LRP1B: variants seen among roughly 807,000 people sequenced by gnomAD.
LRP1B encodes low-density lipoprotein receptor-related protein 1B.
In LRP1B, 217 loss-of-function variants were observed where a neutral mutation model predicts 556.6. The observed-to-expected ratio is 0.39, with a 90% CI of 0.35 to 0.44. The LOEUF is 0.44. LRP1B is among the 20% of genes least tolerant of loss of function. LRP1B has a pLI of 1.00. For synonymous variants in LRP1B, 2,047 were observed against 1,865.8 expected (o/e 1.10, Z -2.50); for missense variants, 5,053 against 5,620.8 (o/e 0.90, Z 3.23).
rs538693237 is a variant in LRP1B, at chr2:141,144,707, A to T, written c.1013+43714T>A. On this transcript the variant is annotated intron_variant, in intron 7 of 90. Transcript: ENST00000389484. Reference sequence around the variant, plus strand: ...AAAAGTACCATCAGGCACAAAAATTATTAGAAGCACCGCAAGGCACCATCA... The same window carrying T: ...AAAAGTACCATCAGGCACAAAAATTTTTAGAAGCACCGCAAGGCACCATCA... Among the ~76,000 whole-genome samples, 4 of 152,294 alleles carry T rather than the reference A, an allele frequency of 2.6e-5. No homozygotes were observed. The South Asian group carries it at 8.3e-4, about 32-fold the overall frequency.
chr2:141,639,952 G>A (rs1038797707), intron 2 of LRP1B, among the ~76,000 whole-genome samples: 4 of 152,142 alleles, frequency 2.6e-5, no homozygotes, highest in East Asian at 1.9e-4. Flanking sequence ...AAAAGAAAAC[G>A]CAATGGTAGC....
At chr2:141,945,316 A>C (rs1700921210) in intron 1 of LRP1B, among the ~76,000 whole-genome samples, 1 of 152,140 alleles carries the variant, frequency 6.6e-6, no homozygotes, top group Admixed American at 6.6e-5. Context: ...GTCAAACTAA[A>C]TCCTGGGGCT....
chr2:141,220,340 A>G (rs1682985625), intron 6 of LRP1B, among the ~76,000 whole-genome samples: 1 of 152,200 alleles, frequency 6.6e-6, no homozygotes, highest in African/African-American at 2.4e-5. Flanking sequence ...CATGAAGACT[A>G]TATTGATGAA....
intron 1 of LRP1B, among the ~76,000 whole-genome samples, chr2:141,850,993 T>G (rs1308138363): frequency 6.6e-6 from 1 of 151,730 alleles, no homozygotes; most frequent in Admixed American, 6.6e-5. Context: ...CCATAAAATA[T>G]TAACCGCTCA....
In LRP1B at chr2:141,166,586, A is replaced by G. The variant is rs187484066; in HGVS notation, c.1013+21835T>C. Among the ~76,000 whole-genome samples the G allele has an allele frequency of 6.9e-4, 104 of 151,818 alleles. 1 individual carries two copies. The highest frequency in any genetic ancestry group is 2.3e-3 in the African/African-American group (96 of 41,490). On this transcript the variant is annotated intron_variant, in intron 7 of 90. Transcript: ENST00000389484. ...TAAAATATACAATAAGTCATTGTTG[A>G]CTGTAATCACCCTGGTGTGCTATCA...
chr2:141,272,790 C>T (rs1242302159), intron 3 of LRP1B, among the ~76,000 whole-genome samples: 1 of 151,856 alleles, frequency 6.6e-6, no homozygotes, highest in Admixed American at 6.6e-5. Context: ...CATAAAAGCA[C>T]CAAAAAAATA....
At chr2:140,953,485 A>G (rs1308812156) in intron 18 of LRP1B, among the ~76,000 whole-genome samples, 1 of 152,190 alleles carries the variant, frequency 6.6e-6, no homozygotes, top group South Asian at 2.1e-4. Context: ...GAATCATAGA[A>G]TATATTTGAG....
At chr2:140,563,388 A>T (rs1020235697) in intron 43 of LRP1B, among the ~76,000 whole-genome samples, 2 of 149,692 alleles carry the variant, frequency 1.3e-5, no homozygotes, top group African/African-American at 4.9e-5. Flanking sequence ...AAGCTATATA[A>T]ATGCTTTTTC....
At chr2:140,657,865 A>C (rs1684948707) in intron 41 of LRP1B, among the ~76,000 whole-genome samples, 1 of 151,918 alleles carries the variant, frequency 6.6e-6, no homozygotes, top group Admixed American at 6.6e-5. Context: ...TTTCGAAGTA[A>C]CCCGATGGTA....
chr2:141,548,996 T>C (rs147299153), intron 2 of LRP1B, among the ~76,000 whole-genome samples: 1 of 152,310 alleles, frequency 6.6e-6, no homozygotes, highest in Admixed American at 6.5e-5. Context: ...AGTTATCTAC[T>C]ACAGCAGTAG....
intron 3 of LRP1B, among the ~76,000 whole-genome samples, chr2:141,334,874 A>G (rs1687788605): frequency 6.6e-6 from 1 of 152,124 alleles, no homozygotes; most frequent in Admixed American, 6.5e-5. Flanking sequence ...TTTTTTTAAA[A>G]AGACAGAAAG....
At chr2:141,712,708 T>TG (rs1473169764) in intron 2 of LRP1B, among the ~76,000 whole-genome samples, 1 of 152,092 alleles carries the variant, frequency 6.6e-6, no homozygotes, top group Non-Finnish European at 1.5e-5. Context: ...TCACTCTTGT[T>TG]GCCCCGGCTA....
chr2:140,269,290 C>G (rs1401156659), intron 86 of LRP1B: 1 of 471,040 alleles, frequency 2.1e-6, no homozygotes, highest in African/African-American at 2.0e-5. Flanking sequence ...TCATTAAACG[C>G]AGTTAAAGTG....
intron 3 of LRP1B, among the ~76,000 whole-genome samples, chr2:141,473,064 T>G (rs1376309836): frequency 5.9e-5 from 9 of 152,250 alleles, no homozygotes; most frequent in African/African-American, 1.9e-4. Flanking sequence ...GCCCCTTCTG[T>G]CAACATATTC....
intron 85 of LRP1B, among the ~76,000 whole-genome samples, chr2:140,270,940 TAAAA>T (rs570682621): frequency 4.0e-5 from 6 of 151,844 alleles, no homozygotes; most frequent in Admixed American, 6.6e-5. Context: ...GAGTAGTTCA[TAAAA>T]AAACAGTTAT....
At chr2:141,623,681 C>T (rs1193892953) in intron 2 of LRP1B, among the ~76,000 whole-genome samples, 1 of 151,774 alleles carries the variant, frequency 6.6e-6, no homozygotes, top group Admixed American at 6.6e-5. Flanking sequence ...CCCTCTTCAC[C>T]GGGGCAACAT....
chr2:142,089,658 A>G (rs1238574190), intron 1 of LRP1B, among the ~76,000 whole-genome samples: 1 of 152,212 alleles, frequency 6.6e-6, no homozygotes, highest in East Asian at 1.9e-4. Flanking sequence ...GATAGTTATC[A>G]TGCATCTTAA....
chr2:140,427,588 TA>T (rs1478640238), intron 66 of LRP1B, among the ~76,000 whole-genome samples: 1 of 152,172 alleles, frequency 6.6e-6, no homozygotes, highest in Non-Finnish European at 1.5e-5. Context: ...CTACAAGATC[TA>T]AATAATTCTT....
At chr2:140,265,958 A>G (rs1250842560) in intron 86 of LRP1B, among the ~76,000 whole-genome samples, 1 of 152,040 alleles carries the variant, frequency 6.6e-6, no homozygotes. Flanking sequence ...AGGTAAAACA[A>G]GCATAATCTT....
Sources: allele counts gnomAD v4.1 joint callset (sites outside exome capture counted in the v4.1 genomes callset), GRCh38; gene constraint gnomAD v4.1.1; transcripts MANE v1.5; gene names NCBI Gene and HGNC (gene_info 2026-07-23, HGNC 2026-07-21).